GPC6: variants seen among roughly 807,000 people sequenced by gnomAD.
The protein encoded by GPC6 is glypican-6.
A neutral mutation model predicts 55.2 loss-of-function variants in GPC6; 14 were observed. The observed-to-expected ratio is 0.25, with a 90% CI of 0.17 to 0.40. The LOEUF is 0.40. GPC6 is among the 10% of genes least tolerant of loss of function. The pLI is 1.00. For synonymous variants in GPC6, 278 were observed against 259.6 expected, an observed-to-expected ratio of 1.07 and a Z score of -0.68; for missense variants, 641 against 708.5, an observed-to-expected ratio of 0.90 and a Z score of 1.08.
At chr13:93,547,005 T>C (rs537963124) in intron 2 of GPC6, among the ~76,000 whole-genome samples, 4 of 151,414 alleles carry the variant, frequency 2.6e-5, no homozygotes, top group African/African-American at 9.7e-5. Flanking sequence ...TTATGGAGAG[T>C]TGACATTTTT....
intron 3 of GPC6, among the ~76,000 whole-genome samples, chr13:93,841,355 G>T (rs1210444831): frequency 2.0e-5 from 3 of 151,976 alleles, no homozygotes; most frequent in Non-Finnish European, 2.9e-5. Flanking sequence ...GAAAGAGGGG[G>T]GTATGTTATT....
chr13:93,653,099 A>G (rs905089494), intron 2 of GPC6, among the ~76,000 whole-genome samples: 1 of 152,194 alleles, frequency 6.6e-6, no homozygotes, highest in African/African-American at 2.4e-5. Context: ...TGGCTTTTAG[A>G]GAGAGAACCA....
intron 1 of GPC6, among the ~76,000 whole-genome samples, chr13:93,344,500 C>T (rs1185931725): frequency 1.3e-5 from 2 of 152,198 alleles, no homozygotes; most frequent in African/African-American, 4.8e-5. Flanking sequence ...CTGGTTTCAT[C>T]AATAAAGTAG....
At chr13:94,395,557 T>C (rs748007388) in intron 7 of GPC6, among the ~76,000 whole-genome samples, 2 of 152,170 alleles carry the variant, frequency 1.3e-5, no homozygotes, top group Admixed American at 6.5e-5. Flanking sequence ...ATAGATTCAA[T>C]ACCTGAAAAA....
chr13:93,302,527 T>TA (rs1277774239), intron 1 of GPC6, among the ~76,000 whole-genome samples: 1 of 152,208 alleles, frequency 6.6e-6, no homozygotes, highest in African/African-American at 2.4e-5. Context: ...TGTAAGTTTC[T>TA]AAAATAACAA....
chr13:93,427,314 C>T (rs1320672221), intron 1 of GPC6, among the ~76,000 whole-genome samples: 2 of 151,572 alleles, frequency 1.3e-5, no homozygotes, highest in African/African-American at 4.9e-5. Context: ...GCCAAAAGAA[C>T]AAAGCTGGAG....
At chr13:93,257,981 A>G (rs1222681910) in intron 1 of GPC6, among the ~76,000 whole-genome samples, 1 of 152,222 alleles carries the variant, frequency 6.6e-6, no homozygotes, top group Non-Finnish European at 1.5e-5. Context: ...AGAAACTTCC[A>G]GTAAGATCAA....
chr13:93,672,567 G>T (rs1451464968), intron 2 of GPC6, among the ~76,000 whole-genome samples: 3 of 151,042 alleles, frequency 2.0e-5, no homozygotes, highest in African/African-American at 7.3e-5. Flanking sequence ...TACCTCTTTT[G>T]TATGGCACAT....
At chr13:93,356,723 A>G (rs935702229) in intron 1 of GPC6, among the ~76,000 whole-genome samples, 1 of 152,188 alleles carries the variant, frequency 6.6e-6, no homozygotes, top group Non-Finnish European at 1.5e-5. Context: ...CTTGTCTACT[A>G]TGCAAGGTGT....
intron 6 of GPC6, among the ~76,000 whole-genome samples, chr13:94,377,471 A>C (rs1879931860): frequency 6.7e-6 from 1 of 148,310 alleles, no homozygotes; most frequent in African/African-American, 2.5e-5. Flanking sequence ...GCCATCAGAG[A>C]AATGCAAATC....
At chr13:93,978,645 C>A (rs1880633132) in intron 3 of GPC6, among the ~76,000 whole-genome samples, 1 of 152,060 alleles carries the variant, frequency 6.6e-6, no homozygotes. Flanking sequence ...TCCTCCAATA[C>A]CATCTTAGGT....
chr13:93,877,142 G>A (rs879465578), intron 3 of GPC6, among the ~76,000 whole-genome samples: 5 of 152,022 alleles, frequency 3.3e-5, no homozygotes, highest in Non-Finnish European at 7.4e-5. Context: ...AATGGCTATG[G>A]ATCGAATATG....
intron 2 of GPC6, among the ~76,000 whole-genome samples, chr13:93,584,533 T>C (rs529166221): frequency 1.3e-5 from 2 of 152,140 alleles, no homozygotes; most frequent in Admixed American, 6.6e-5. Flanking sequence ...TAATTTCTAA[T>C]ATGATAAGTA....
intron 4 of GPC6, among the ~76,000 whole-genome samples, chr13:94,146,190 T>C (rs938554983): frequency 4.6e-5 from 7 of 152,186 alleles, no homozygotes; most frequent in African/African-American, 1.4e-4. Flanking sequence ...GGAGTCTTCA[T>C]GTTATCCACC....
At chr13:93,693,008 T>C (rs1457487535) in intron 2 of GPC6, among the ~76,000 whole-genome samples, 1 of 152,056 alleles carries the variant, frequency 6.6e-6, no homozygotes, top group Non-Finnish European at 1.5e-5. Context: ...ATGAATCTTT[T>C]CTTGCTAAAA....
upstream of GPC6, among the ~76,000 whole-genome samples, chr13:93,223,033 T>TTTTTTTTG: frequency 6.7e-6 from 1 of 149,706 alleles, no homozygotes; most frequent in South Asian, 2.2e-4. Flanking sequence ...TTTTTTTTTT[T>TTTTTTTTG]TTTTTTTCAG....
intron 1 of GPC6, among the ~76,000 whole-genome samples, chr13:93,279,355 A>G (rs188503262): frequency 1.3e-5 from 2 of 152,346 alleles, no homozygotes; most frequent in Non-Finnish European, 1.5e-5. Flanking sequence ...AGAAGACAGT[A>G]AGAAATGGTT....
intron 2 of GPC6, among the ~76,000 whole-genome samples, chr13:93,793,040 C>T (rs945072302): frequency 2.6e-5 from 4 of 152,122 alleles, no homozygotes; most frequent in South Asian, 4.2e-4. Flanking sequence ...ATAATGCCGG[C>T]GAAATTTGAT....
chr13:94,002,828 CA>C (rs1881864267), intron 3 of GPC6, among the ~76,000 whole-genome samples: 1 of 152,100 alleles, frequency 6.6e-6, no homozygotes, highest in Non-Finnish European at 1.5e-5. Flanking sequence ...TAAGTTATCT[CA>C]ATTGAGTTGA....
Sources: allele counts gnomAD v4.1 joint callset (sites outside exome capture counted in the v4.1 genomes callset), GRCh38; gene constraint gnomAD v4.1.1; transcripts MANE v1.5; gene names NCBI Gene and HGNC (gene_info 2026-07-23, HGNC 2026-07-21).